Variants in TENM2 observed in about 807,000 individuals in gnomAD.
TENM2 encodes the protein teneurin-2.
A neutral mutation model predicts 245.2 loss-of-function variants in TENM2; 52 were observed. That is an observed-to-expected ratio of 0.21 (90% CI 0.17 to 0.27). The LOEUF (loss-of-function observed/expected upper bound fraction) is 0.27. TENM2 is among the 10% of genes least tolerant of loss of function. TENM2 has a pLI of 1.00. For missense variants in TENM2, 3,046 were observed against 3,666.8 expected (o/e 0.83, Z 4.37); for synonymous variants, 1,363 against 1,438.9 (o/e 0.95, Z 1.19).
At chr5:167,161,486 G>A in the TENM2 span, among the ~76,000 whole-genome samples, 1 of 152,182 alleles carries the variant, frequency 6.6e-6, no homozygotes, top group Non-Finnish European at 1.5e-5. Flanking sequence ...GTTAAAGAAA[G>A]TTAAACAGAC....
chr5:167,084,101 A>G, the TENM2 span, among the ~76,000 whole-genome samples: 6 of 151,666 alleles, frequency 4.0e-5, no homozygotes, highest in Admixed American at 3.9e-4. Context: ...TAATTTGGGT[A>G]TAAGAAATGG....
chr5:168,138,299 G>A (rs943851441), intron 12 of TENM2, among the ~76,000 whole-genome samples: 8 of 152,266 alleles, frequency 5.3e-5, no homozygotes, highest in Middle Eastern at 3.4e-3. Context: ...TAATACCTAC[G>A]ACCTACTGTA....
chr5:167,722,956 A>G (rs1003759423), intron 2 of TENM2, among the ~76,000 whole-genome samples: 2 of 152,196 alleles, frequency 1.3e-5, no homozygotes, highest in African/African-American at 4.8e-5. Context: ...TGAGGCAACC[A>G]ACTACAAAAA....
rs143225077 is a variant in TENM2, at chr5:167,942,218, A to C, written c.713-10370A>C. Among the ~76,000 whole-genome samples, 195 of 152,322 alleles carry C rather than the reference A, an allele frequency of 1.3e-3. 2 individuals are homozygous for C. The East Asian group carries it at 0.025, about 20-fold the overall frequency. On this transcript the variant is annotated intron_variant, in intron 3 of 28. Coordinates refer to ENST00000518659, the Ensembl canonical transcript of TENM2. ...GTGAGACTCCCATCTCAAAAAAAGT[A>C]AATAAATAAATAATAATTAGCCTAT...
At chr5:168,235,503 A>G (rs1427686899) in intron 25 of TENM2, among the ~76,000 whole-genome samples, 2 of 152,148 alleles carry the variant, frequency 1.3e-5, no homozygotes, top group African/African-American at 4.8e-5. Flanking sequence ...TAATAATCCA[A>G]TAAATGTACA....
At chr5:167,066,021 G>C in the TENM2 span, among the ~76,000 whole-genome samples, 5 of 152,130 alleles carry the variant, frequency 3.3e-5, no homozygotes, top group African/African-American at 1.2e-4. Context: ...CCACTCACTT[G>C]ATCTCTTTTC....
intron 3 of TENM2, among the ~76,000 whole-genome samples, chr5:167,941,390 C>G (rs1208941610): frequency 1.3e-5 from 2 of 152,134 alleles, no homozygotes; most frequent in Non-Finnish European, 2.9e-5. Context: ...AGTTTTATTT[C>G]AGTGTATTTA....
intron 2 of TENM2, among the ~76,000 whole-genome samples, chr5:167,385,868 G>A (rs559039823): frequency 6.7e-6 from 1 of 148,880 alleles, no homozygotes; most frequent in Admixed American, 6.7e-5. Context: ...GTGTGTGTGT[G>A]TGTGTGTGTG....
At chr5:167,045,146 G>A in the TENM2 span, among the ~76,000 whole-genome samples, 1 of 152,152 alleles carries the variant, frequency 6.6e-6, no homozygotes, top group Admixed American at 6.5e-5. Context: ...AGGATACCAT[G>A]GGTATGGACT....
At chr5:167,053,679 A>G in the TENM2 span, among the ~76,000 whole-genome samples, 1 of 152,082 alleles carries the variant, frequency 6.6e-6, no homozygotes, top group Non-Finnish European at 1.5e-5. Flanking sequence ...GAGACTAGCC[A>G]GGGCAACATA....
intron 3 of TENM2, among the ~76,000 whole-genome samples, chr5:167,904,909 T>C (rs976290507): frequency 1.4e-4 from 22 of 152,114 alleles, no homozygotes; most frequent in African/African-American, 5.1e-4. Flanking sequence ...TGTGGTTGAG[T>C]CAAAAGAGCT....
At chr5:167,168,903 G>A in the TENM2 span, among the ~76,000 whole-genome samples, 394 of 152,266 alleles carry the variant, frequency 2.6e-3, no homozygotes, top group Middle Eastern at 0.017. Flanking sequence ...GGGACTACAG[G>A]CATGTGCCAC....
chr5:168,262,206 T>G (rs1348585627), exon 29 of TENM2: 1 of 1,610,120 alleles, frequency 6.2e-7, no homozygotes, highest in Non-Finnish European at 8.5e-7. Context: ...GGCATCATGT[T>G]TGCCATCAAA....
At chr5:167,037,781 G>T in the TENM2 span, among the ~76,000 whole-genome samples, 1 of 152,280 alleles carries the variant, frequency 6.6e-6, no homozygotes, top group East Asian at 1.9e-4. Flanking sequence ...CTTGTGAAGG[G>T]GCAAAGAAGG....
the TENM2 span, among the ~76,000 whole-genome samples, chr5:167,234,701 T>C: frequency 6.6e-6 from 1 of 152,132 alleles, no homozygotes; most frequent in Non-Finnish European, 1.5e-5. Flanking sequence ...TCAAAACAAA[T>C]AGAAATTTGA....
At chr5:167,305,294 T>C (rs561953632) in intron 1 of TENM2, among the ~76,000 whole-genome samples, 1 of 152,346 alleles carries the variant, frequency 6.6e-6, no homozygotes, top group East Asian at 1.9e-4. Context: ...AGGACATACC[T>C]GTGCACTGCA....
At chr5:167,992,823 A>T (rs981982723) in intron 4 of TENM2, 121 bp from the exon 7 acceptor site, 14 of 699,948 alleles carry the variant, frequency 2.0e-5, no homozygotes, top group Non-Finnish European at 3.2e-5. Flanking sequence ...CTTCCACTCC[A>T]GGGTAAGCTT....
the TENM2 span, among the ~76,000 whole-genome samples, chr5:167,237,255 T>C: frequency 1.3e-5 from 2 of 152,220 alleles, no homozygotes; most frequent in Admixed American, 1.3e-4. Context: ...CCCTCAATGA[T>C]ACAATTCTTT....
chr5:167,362,015 A>G (rs1759745971), intron 1 of TENM2, among the ~76,000 whole-genome samples: 1 of 152,138 alleles, frequency 6.6e-6, no homozygotes, highest in East Asian at 1.9e-4. Context: ...TCTGCCTTCT[A>G]TTCTTGAACT....
Sources: gnomAD v4.1 joint callset for allele counts (sites outside exome capture counted in the v4.1 genomes callset) on GRCh38, gnomAD v4.1.1 for gene constraint, MANE v1.5 for transcripts, NCBI Gene and HGNC (gene_info 2026-07-23, HGNC 2026-07-21) for gene names.